Variants in PRORP observed in about 807,000 individuals in gnomAD.
PRORP encodes protein only RNase P catalytic subunit.
PRORP carries 51 observed loss-of-function variants against 59.4 expected under a neutral mutation model. The observed-to-expected ratio is 0.86, with a 90% CI of 0.69 to 1.08. The LOEUF (loss-of-function observed/expected upper bound fraction) is 1.08. PRORP is among the 50% of genes least tolerant of loss of function. PRORP has a pLI of 0.00. For missense variants in PRORP, 646 were observed against 690.3 expected (o/e 0.94, Z 0.72); for synonymous variants, 231 against 245.6 (o/e 0.94, Z 0.55).
intron 4 of PRORP, chr14:35,158,864 G>T (rs976070882): frequency 9.8e-6 from 3 of 304,864 alleles, no homozygotes; most frequent in East Asian, 9.3e-5. Context: ...TCTGGAGAAT[G>T]CAAATCTATG....
chr14:35,220,961 C>T lies in PRORP; in HGVS notation c.1275+40184C>T, dbSNP rs575119755. Among the ~76,000 whole-genome samples the T allele has an allele frequency of 6.6e-5, 10 of 152,246 alleles. No homozygotes were observed. In the East Asian group the frequency reaches 1.9e-3, roughly 29 times the overall value. On this transcript the variant is annotated intron_variant, in intron 5 of 7. Transcript: ENST00000534898. ...ATCTAAGGGAGCACAAGCAGAGATT[C>T]CTAAGCCAGTGTTAAAGACCTGAAG...
chr14:35,203,631 G>A (rs781731447), intron 5 of PRORP, among the ~76,000 whole-genome samples: 2 of 152,152 alleles, frequency 1.3e-5, no homozygotes, highest in East Asian at 1.9e-4. Flanking sequence ...TTGGGAGGCC[G>A]AGGCGGGCGG....
intron 5 of PRORP, among the ~76,000 whole-genome samples, chr14:35,191,105 C>G (rs1367940957): frequency 6.6e-6 from 1 of 152,126 alleles, no homozygotes; most frequent in African/African-American, 2.4e-5. Flanking sequence ...ATGTCTCCAC[C>G]CAAATCTCAT....
At chr14:35,172,553 T>C (rs1272235247) in intron 4 of PRORP, among the ~76,000 whole-genome samples, 1 of 130,214 alleles carries the variant, frequency 7.7e-6, no homozygotes, top group Admixed American at 7.9e-5. Flanking sequence ...CTCTCCTCTT[T>C]CTTTCTTTCT....
chr14:35,160,315 C>G (rs550251121), intron 4 of PRORP, among the ~76,000 whole-genome samples: 35 of 152,194 alleles, frequency 2.3e-4, no homozygotes, highest in Non-Finnish European at 5.0e-4. Flanking sequence ...CATTTCCTTT[C>G]TGCTTTCCAC....
rs1336947307 is a variant in PRORP, at chr14:35,124,890, C to T, written c.986+659C>T. Among the ~76,000 whole-genome samples the T allele has an allele frequency of 5.0e-5, 7 of 139,476 alleles. No homozygotes were observed. In the South Asian group the frequency reaches 1.1e-3, roughly 23 times the overall value. The allele number at this position is 139,476 out of a possible 152,430, so 91.5% of individuals were successfully genotyped here. On this transcript the variant is annotated intron_variant, in intron 2 of 7. Coordinates refer to ENST00000534898, the MANE Select transcript of PRORP (RefSeq NM_014672.4). ...CTCTCCCTTTTTTTTTTTTTTGAGACGGAGTTTTGCTCTTGTTGCCAGGCT... is the reference window on the plus strand; with the variant it reads ...CTCTCCCTTTTTTTTTTTTTTGAGATGGAGTTTTGCTCTTGTTGCCAGGCT...
chr14:35,270,809 C>T lies in PRORP; in HGVS notation c.1620+213C>T, dbSNP rs138248886. ...TTAATTAAAACACTTAGGGGCCAGG[C>T]GCAGTGGCTCACACCTGTAATCCCA... On this transcript the variant is annotated intron_variant, in intron 7 of 7. Transcript: ENST00000534898. 8.0e-4 allele frequency among the ~76,000 whole-genome samples: 121 copies of T among 152,114 alleles called. 3 individuals are homozygous for T. In the East Asian group the frequency reaches 0.014, roughly 18 times the overall value.
intron 7 of PRORP, among the ~76,000 whole-genome samples, chr14:35,272,058 C>CG (rs2051207400): frequency 1.3e-5 from 2 of 149,050 alleles, no homozygotes; most frequent in African/African-American, 5.0e-5. Context: ...AAAAAAAAAA[C>CG]GGAGATGTTG....
chr14:35,257,968 T>C (rs941299180), intron 5 of PRORP, among the ~76,000 whole-genome samples: 2 of 152,104 alleles, frequency 1.3e-5, no homozygotes, highest in Non-Finnish European at 2.9e-5. Flanking sequence ...TTCTAACCCA[T>C]GTAGCCCTGC....
At chr14:35,267,303 T>C (rs1322748533) in intron 6 of PRORP, among the ~76,000 whole-genome samples, 1 of 152,168 alleles carries the variant, frequency 6.6e-6, no homozygotes, top group Non-Finnish European at 1.5e-5. Flanking sequence ...GGTAATGTCA[T>C]TCCAGGCAGT....
intron 4 of PRORP, chr14:35,158,789 A>G (rs17456102): frequency 0.079 from 28,018 of 354,976 alleles, 1,398 homozygotes; most frequent in Middle Eastern, 0.11. Context: ...TCCTTGATTA[A>G]AACTTTGGAT....
intron 5 of PRORP, among the ~76,000 whole-genome samples, chr14:35,261,007 A>G (rs867645610): frequency 6.6e-6 from 1 of 152,230 alleles, no homozygotes; most frequent in East Asian, 1.9e-4. Flanking sequence ...TTATACATAC[A>G]CAGACTCACA....
intron 5 of PRORP, among the ~76,000 whole-genome samples, chr14:35,203,786 C>A (rs2049220134): frequency 6.6e-6 from 1 of 152,116 alleles, no homozygotes; most frequent in Non-Finnish European, 1.5e-5. Context: ...ATGGCATGAA[C>A]CCCAGGGGGC....
chr14:35,180,966 A>G (rs186397999), intron 5 of PRORP, among the ~76,000 whole-genome samples, 189 bp downstream of exon 5: 8 of 152,258 alleles, frequency 5.3e-5, no homozygotes, highest in South Asian at 2.1e-4. Context: ...TCGCTCTTCA[A>G]GGCTGGGAGA....
chr14:35,175,145 A>T lies in PRORP; in HGVS notation c.1168-5525A>T, dbSNP rs1363072746. On this transcript the variant is annotated intron_variant, in intron 4 of 7. Coordinates refer to ENST00000534898, the MANE Select transcript of PRORP (RefSeq NM_014672.4). ...ATTTTCTTAACCCAGTCTATCATTG[A>T]TGGACATTTGGGTTGGTTCCAAGTC... is the stretch of plus-strand genomic sequence containing the variant. Among the ~76,000 whole-genome samples, 6 of 152,082 alleles carry T rather than the reference A, an allele frequency of 3.9e-5. No individual in the cohort carries two copies. In the East Asian group the frequency reaches 5.8e-4, roughly 15 times the overall value.
intron 4 of PRORP, among the ~76,000 whole-genome samples, chr14:35,135,507 A>G (rs1275087027): frequency 2.6e-5 from 4 of 152,202 alleles, no homozygotes; most frequent in African/African-American, 4.8e-5. Context: ...CCTGGTATCA[A>G]TGAATATCAT....
chr14:35,217,130 A>G (rs940944549), intron 5 of PRORP, among the ~76,000 whole-genome samples: 2 of 152,188 alleles, frequency 1.3e-5, no homozygotes, highest in Admixed American at 1.3e-4. Flanking sequence ...TTTGAAGCAC[A>G]AAAGTTTTTA....
At chr14:35,260,768 C>T (rs956210777) in intron 5 of PRORP, among the ~76,000 whole-genome samples, 11 of 152,364 alleles carry the variant, frequency 7.2e-5, no homozygotes, top group Non-Finnish European at 1.2e-4. Flanking sequence ...GGCTAGCCCA[C>T]CCCCTTTTTG....
intron 4 of PRORP, among the ~76,000 whole-genome samples, chr14:35,163,416 TA>T (rs1340558581): frequency 6.6e-6 from 1 of 152,086 alleles, no homozygotes; most frequent in Non-Finnish European, 1.5e-5. Flanking sequence ...GACCTGCAGT[TA>T]AAAAAACACC....
Sources: gnomAD v4.1 joint callset for allele counts (sites outside exome capture counted in the v4.1 genomes callset) on GRCh38, gnomAD v4.1.1 for gene constraint, MANE v1.5 for transcripts, NCBI Gene and HGNC (gene_info 2026-07-23, HGNC 2026-07-21) for gene names.